Variants in SLC30A8 observed in about 807,000 individuals in gnomAD.
SLC30A8 encodes solute carrier family 30 member 8.
In SLC30A8, 27 loss-of-function variants were observed where a neutral mutation model predicts 36.9. That is an observed-to-expected ratio of 0.73 (90% CI 0.54 to 1.01). The LOEUF is 1.01. Among genes scored for constraint, SLC30A8 ranks in the 50% least tolerant of loss-of-function variants. The pLI is 0.00. For synonymous variants in SLC30A8, 164 were observed against 172.4 expected (o/e 0.95, Z 0.38); for missense variants, 439 against 452.0 (o/e 0.97, Z 0.26).
intron 1 of SLC30A8, among the ~76,000 whole-genome samples, chr8:117,004,997 A>AAT (rs1288895275): frequency 6.6e-6 from 1 of 152,106 alleles, no homozygotes; most frequent in African/African-American, 2.4e-5. Context: ...CAGCTTTATT[A>AAT]ATATATAACT....
At chr8:116,987,547 G>A (rs1451683623) in intron 1 of SLC30A8, among the ~76,000 whole-genome samples, 1 of 151,784 alleles carries the variant, frequency 6.6e-6, no homozygotes, top group Middle Eastern at 3.2e-3. Context: ...CTTCTTTCAA[G>A]TCTTGAATAC....
At chr8:117,161,926 A>G in intron 5 of SLC30A8, 38 bp downstream of exon 5, 1 of 1,571,812 alleles carries the variant, frequency 6.4e-7, no homozygotes, top group Non-Finnish European at 8.7e-7. Flanking sequence ...GTACTTATGT[A>G]GATTAGGTAG....
chr8:117,006,977 T>G (rs1274487576), intron 1 of SLC30A8: 2 of 105,430 alleles, frequency 1.9e-5, no homozygotes, highest in African/African-American at 7.1e-5. Context: ...TTTTTTTTTT[T>G]TTTTTTTCTG....
chr8:116,974,187 A>T (rs1346735919), intron 1 of SLC30A8, among the ~76,000 whole-genome samples: 2 of 152,158 alleles, frequency 1.3e-5, no homozygotes, highest in African/African-American at 2.4e-5. Flanking sequence ...AAATAGACAA[A>T]TGGGATCTAA....
At chr8:116,958,654 T>C (rs1814303071) in intron 1 of SLC30A8, among the ~76,000 whole-genome samples, 3 of 152,036 alleles carry the variant, frequency 2.0e-5, no homozygotes, top group Non-Finnish European at 4.4e-5. Context: ...TGTCTATCTT[T>C]GTGTTTCTTG....
At chr8:117,040,729 A>G (rs990690598) in intron 2 of SLC30A8, among the ~76,000 whole-genome samples, 2 of 152,192 alleles carry the variant, frequency 1.3e-5, no homozygotes, top group African/African-American at 4.8e-5. Flanking sequence ...AGCACTGACA[A>G]TTGCAGGAAG....
At chr8:117,023,422 A>C (rs1816771186) in intron 1 of SLC30A8, among the ~76,000 whole-genome samples, 1 of 152,200 alleles carries the variant, frequency 6.6e-6, no homozygotes, top group Non-Finnish European at 1.5e-5. Context: ...ACATGCACAC[A>C]TTTGTTTATT....
intron 2 of SLC30A8, among the ~76,000 whole-genome samples, chr8:117,114,216 A>G (rs1476285507): frequency 6.6e-6 from 1 of 152,122 alleles, no homozygotes; most frequent in Non-Finnish European, 1.5e-5. Flanking sequence ...CTGCTTGTCT[A>G]CATTTAGGAA....
chr8:117,131,238 C>G (rs1044289016), upstream of SLC30A8, among the ~76,000 whole-genome samples: 4 of 151,984 alleles, frequency 2.6e-5, no homozygotes, highest in African/African-American at 2.4e-5. Context: ...TCATAATGCT[C>G]TCTAAAATAC....
intron 2 of SLC30A8, among the ~76,000 whole-genome samples, chr8:117,058,019 G>T (rs990081949): frequency 6.6e-6 from 1 of 152,120 alleles, no homozygotes; most frequent in Non-Finnish European, 1.5e-5. Flanking sequence ...GTCTGCAAGG[G>T]TTTTCTTTTC....
At chr8:116,970,420 G>C (rs1814753591) in intron 1 of SLC30A8, among the ~76,000 whole-genome samples, 1 of 152,086 alleles carries the variant, frequency 6.6e-6, no homozygotes, top group Non-Finnish European at 1.5e-5. Context: ...TAAAAGTATG[G>C]TATAGTAAGT....
intron 2 of SLC30A8, among the ~76,000 whole-genome samples, chr8:117,102,186 G>C (rs1819753877): frequency 6.6e-6 from 1 of 152,048 alleles, no homozygotes; most frequent in East Asian, 1.9e-4. Context: ...CAATTTACTT[G>C]AATTTTAGCT....
At chr8:117,124,948 C>A (rs1563612359) in intron 2 of SLC30A8, among the ~76,000 whole-genome samples, 1 of 151,780 alleles carries the variant, frequency 6.6e-6, no homozygotes, top group Non-Finnish European at 1.5e-5. Flanking sequence ...AATAAAAAAT[C>A]AGTAAAGATT....
rs907500556 is a variant in SLC30A8 at position 117,176,304 on chromosome 8, A to G, written c.*3623A>G. ...CAGCTCCATCCCCACCCAATGAAATATGATCCAGAGAGTCTTGCAAAGAGA... is the reference window on the plus strand; with the variant it reads ...CAGCTCCATCCCCACCCAATGAAATGTGATCCAGAGAGTCTTGCAAAGAGA... On this transcript the variant is annotated 3_prime_UTR_variant, in exon 8 of 8. Transcript: ENST00000456015. The G allele has an allele frequency of 4.6e-5, 7 of 152,640 alleles. No individual in the cohort carries two copies. Among genetic ancestry groups the G allele is most frequent in the African/African-American group, 1.4e-4 (6 of 41,564 alleles). The allele number at this position is 152,640 out of a possible 1,614,324, so 9.5% of individuals were successfully genotyped here.
rs28803260 is a variant in SLC30A8, at chr8:116,981,949, G to A, written c.-266+30830G>A. ...TATATACTCAGTAATAGGATTGCTG[G>A]GTTGAATGGTAATTCTGCTTTGAGT... On this transcript the variant is annotated intron_variant, in intron 1 of 10. Coordinates refer to the SLC30A8 transcript ENST00000427715. Among the ~76,000 whole-genome samples the A allele has an allele frequency of 3.1e-3, 470 of 152,222 alleles. 2 individuals are homozygous for A. Among genetic ancestry groups the A allele is most frequent in the African/African-American group, 0.011 (452 of 41,526 alleles).
At chr8:116,985,313 C>G (rs1041737153) in intron 1 of SLC30A8, among the ~76,000 whole-genome samples, 1 of 150,964 alleles carries the variant, frequency 6.6e-6, no homozygotes, top group Admixed American at 6.6e-5. Flanking sequence ...CACACACACA[C>G]ACACACACAC....
chr8:116,955,975 T>C (rs1424711312), intron 1 of SLC30A8, among the ~76,000 whole-genome samples: 1 of 151,816 alleles, frequency 6.6e-6, no homozygotes, highest in Non-Finnish European at 1.5e-5. Context: ...CAGGAAAAAA[T>C]GGAAAATGAG....
At chr8:117,038,012 A>C (rs1817269968) in intron 1 of SLC30A8, among the ~76,000 whole-genome samples, 1 of 152,212 alleles carries the variant, frequency 6.6e-6, no homozygotes, top group South Asian at 2.1e-4. Context: ...ACGCAGAGGA[A>C]ATCCAAATTA....
chr8:116,970,211 G>A (rs1355196895), intron 1 of SLC30A8, among the ~76,000 whole-genome samples: 1 of 151,866 alleles, frequency 6.6e-6, no homozygotes, highest in African/African-American at 2.4e-5. Context: ...TTAGCTCAGG[G>A]TCACGATCAT....
Sources: allele counts gnomAD v4.1 joint callset (sites outside exome capture counted in the v4.1 genomes callset), GRCh38; gene constraint gnomAD v4.1.1; transcripts MANE v1.5; gene names NCBI Gene and HGNC (gene_info 2026-07-23, HGNC 2026-07-21).